Variants in ERBB4 observed in about 807,000 individuals in gnomAD.
ERBB4 encodes the protein erb-b2 receptor tyrosine kinase 4, also known as receptor tyrosine-protein kinase erbB-4.
Under a neutral mutation model 158.0 loss-of-function variants are expected in ERBB4, and 42 were observed. That is an observed-to-expected ratio of 0.27 (90% CI 0.21 to 0.34). ERBB4 has a LOEUF of 0.34. Ranked by LOEUF, ERBB4 falls within the 10% of genes least tolerant of loss-of-function variation. ERBB4 has a pLI of 1.00. For synonymous variants in ERBB4, 583 were observed against 558.7 expected (o/e 1.04, Z -0.61); for missense variants, 1,333 against 1,624.1 (o/e 0.82, Z 3.08).
At chr2:212,510,071 C>CTAACA (rs1299640741) in intron 1 of ERBB4, among the ~76,000 whole-genome samples, 1 of 150,660 alleles carries the variant, frequency 6.6e-6, no homozygotes, top group Non-Finnish European at 1.5e-5. Context: ...AATGTATACA[C>CTAACA]TAACATAAAT....
At chr2:211,663,502 T>C (rs1304093063) in intron 15 of ERBB4, among the ~76,000 whole-genome samples, 1 of 152,158 alleles carries the variant, frequency 6.6e-6, no homozygotes, top group Non-Finnish European at 1.5e-5. Context: ...TACACCTTCA[T>C]CCTTCCTTTT....
chr2:212,409,753 T>C lies in ERBB4; in HGVS notation c.82+128696A>G, dbSNP rs576513914. Among the ~76,000 whole-genome samples, 3 of 152,242 alleles carry C rather than the reference T, an allele frequency of 2.0e-5. No homozygotes were observed. The East Asian group carries it at 5.8e-4, about 29-fold the overall frequency. ...ACTTTACTGACACCATGAGTCACAT[T>C]CATCAGTCTCCAACAGGATGATAAA... On this transcript the variant is annotated intron_variant, in intron 1 of 27. Transcript: ENST00000342788.
intron 16 of ERBB4, among the ~76,000 whole-genome samples, chr2:211,645,171 C>A (rs1335132277): frequency 2.0e-5 from 3 of 151,682 alleles, no homozygotes; most frequent in Non-Finnish European, 1.5e-5. Flanking sequence ...ATTTAAGATG[C>A]TATGCAATGG....
chr2:211,546,267 T>C (rs1252923347), intron 20 of ERBB4, among the ~76,000 whole-genome samples: 2 of 152,124 alleles, frequency 1.3e-5, no homozygotes. Context: ...TATAAATTAT[T>C]CTTACTAGTA....
chr2:212,517,816 G>A (rs1314818595), intron 1 of ERBB4, among the ~76,000 whole-genome samples: 1 of 152,096 alleles, frequency 6.6e-6, no homozygotes, highest in East Asian at 1.9e-4. Context: ...AATGTGTGGA[G>A]TGTTATTTAT....
At chr2:211,798,719 A>C (rs1394314258) in intron 3 of ERBB4, among the ~76,000 whole-genome samples, 1 of 152,142 alleles carries the variant, frequency 6.6e-6, no homozygotes, top group African/African-American at 2.4e-5. Context: ...GATACATGAA[A>C]TCCCCATTAA....
At chr2:212,003,132 G>A (rs183444518) in intron 2 of ERBB4, among the ~76,000 whole-genome samples, 65 of 15,498 alleles carry the variant, frequency 4.2e-3, no homozygotes, top group Non-Finnish European at 4.9e-3. Context: ...AAGGAAGGAA[G>A]GAAGGAAGGA....
chr2:212,446,591 G>GTATC lies in ERBB4; in HGVS notation c.82+91857_82+91858insGATA, dbSNP rs1303302858. Among the ~76,000 whole-genome samples the GTATC allele has an allele frequency of 5.1e-4, 14 of 27,516 alleles. 1 individual carries two copies. In the Admixed American group the frequency reaches 6.5e-3, roughly 13 times the overall value. The allele number at this position is 27,516 out of a possible 152,430, so 18.1% of individuals were successfully genotyped here. ...TTAATAAACTCCCATATATATATATGTATATATATATATATATATATATAT... is the reference window on the plus strand; with the variant it reads ...TTAATAAACTCCCATATATATATATGTATCTATATATATATATATATATATATAT... On this transcript the variant is annotated intron_variant, in intron 1 of 27. Coordinates refer to ENST00000342788, the MANE Select transcript of ERBB4 (RefSeq NM_005235.3).
intron 12 of ERBB4, among the ~76,000 whole-genome samples, chr2:211,698,997 G>T (rs1002638582): frequency 1.3e-5 from 2 of 152,110 alleles, no homozygotes; most frequent in Admixed American, 1.3e-4. Flanking sequence ...GATTGCTCTA[G>T]CCACTGTTAC....
chr2:212,216,061 C>A (rs16847917), intron 1 of ERBB4, among the ~76,000 whole-genome samples: 1 of 151,050 alleles, frequency 6.6e-6, no homozygotes, highest in Non-Finnish European at 1.5e-5. Flanking sequence ...AGATTTGCGC[C>A]GGTGTTATGG....
intron 19 of ERBB4, among the ~76,000 whole-genome samples, chr2:211,593,619 A>T (rs1334813923): frequency 1.3e-5 from 2 of 152,176 alleles, no homozygotes; most frequent in Non-Finnish European, 1.5e-5. Flanking sequence ...CATCAAATGC[A>T]GTTAGCCATG....
At chr2:212,323,885 C>T (rs531948761) in intron 1 of ERBB4, among the ~76,000 whole-genome samples, 15 of 150,488 alleles carry the variant, frequency 1.0e-4, no homozygotes, top group Non-Finnish European at 1.8e-4. Context: ...TATTGACTGA[C>T]GTGTTGAAGA....
intron 7 of ERBB4, 133 bp downstream of exon 7, chr2:211,722,259 TG>T: frequency 1.4e-6 from 1 of 692,996 alleles, no homozygotes; most frequent in Non-Finnish European, 2.5e-6. Context: ...ATTTATAAAA[TG>T]GGGGCAATAG....
intron 2 of ERBB4, among the ~76,000 whole-genome samples, chr2:212,081,900 A>G (rs959831542): frequency 6.6e-6 from 1 of 152,140 alleles, no homozygotes; most frequent in Non-Finnish European, 1.5e-5. Flanking sequence ...CACTTCACCT[A>G]GCAAACTTCA....
intron 25 of ERBB4, among the ~76,000 whole-genome samples, chr2:211,401,548 T>G (rs1193860951): frequency 6.6e-6 from 1 of 152,100 alleles, no homozygotes; most frequent in African/African-American, 2.4e-5. Context: ...CTGGCCTTTG[T>G]AGAGAAAGTT....
intron 25 of ERBB4, among the ~76,000 whole-genome samples, chr2:211,390,651 G>T (rs2062781067): frequency 6.6e-6 from 1 of 152,106 alleles, no homozygotes; most frequent in South Asian, 2.1e-4. Context: ...AAAACAACTG[G>T]GACTCTTGCG....
chr2:212,095,657 G>T (rs532826212), intron 2 of ERBB4, among the ~76,000 whole-genome samples: 159 of 152,262 alleles, frequency 1.0e-3, no homozygotes, highest in African/African-American at 3.7e-3. Flanking sequence ...TTTTGGCCGG[G>T]CGCGGTGGCT....
chr2:212,131,930 A>G (rs1210334893), intron 1 of ERBB4, among the ~76,000 whole-genome samples: 1 of 152,212 alleles, frequency 6.6e-6, no homozygotes, highest in African/African-American at 2.4e-5. Flanking sequence ...ACCAGCTATG[A>G]TCATGTGACC....
At chr2:211,473,476 T>C (rs1361354465) in intron 20 of ERBB4, among the ~76,000 whole-genome samples, 5 of 152,100 alleles carry the variant, frequency 3.3e-5, no homozygotes, top group Non-Finnish European at 7.4e-5. Context: ...TAAATCTTCT[T>C]TGAATTTCTT....
Sources: gnomAD v4.1 joint callset for allele counts (sites outside exome capture counted in the v4.1 genomes callset) on GRCh38, gnomAD v4.1.1 for gene constraint, MANE v1.5 for transcripts, NCBI Gene and HGNC (gene_info 2026-07-23, HGNC 2026-07-21) for gene names.